The following FAM13A variants were observed in gnomAD, a reference collection of about 807,000 sequenced individuals.
The protein encoded by FAM13A is family with sequence similarity 13 member A.
In FAM13A, 76 loss-of-function variants were observed where a neutral mutation model predicts 129.6. The ratio of observed to expected loss-of-function variants is 0.59; its 90% CI spans 0.49 to 0.71. The LOEUF (loss-of-function observed/expected upper bound fraction) is 0.71, where lower values mean the gene tolerates loss of function less well. FAM13A is among the 30% of genes least tolerant of loss of function. The pLI is 0.00. For synonymous variants in FAM13A, 443 were observed against 449.9 expected, an observed-to-expected ratio of 0.98 and a Z score of 0.20; for missense variants, 1,108 against 1,249.3, an observed-to-expected ratio of 0.89 and a Z score of 1.70.
rs138812731 is a variant in FAM13A at position 88,844,293 on chromosome 4, G to A, written c.1007+6727C>T. On this transcript the variant is annotated intron_variant, in intron 7 of 23. Transcript: ENST00000264344. The stretch of plus-strand genomic sequence containing the variant: ...GGTAGAAGTCAGGTAGGAAATAATA[G>A]TGAAATAATCACAGCCTGAAACTGT... Among the ~76,000 whole-genome samples the A allele has an allele frequency of 8.5e-5, 13 of 152,280 alleles. No homozygotes were observed. The East Asian group carries it at 2.5e-3, about 29-fold the overall frequency.
At chr4:88,854,491 A>T (rs1738155034) in intron 6 of FAM13A, among the ~76,000 whole-genome samples, 1 of 152,254 alleles carries the variant, frequency 6.6e-6, no homozygotes, top group Non-Finnish European at 1.5e-5. Flanking sequence ...CACTGTAGTT[A>T]TAACTGACAT....
rs368810193 is a variant in FAM13A at position 88,731,397 on chromosome 4, T to G, written c.2875A>C (p.Arg959=). The part of the protein sequence containing the change: ...PELLEHLQEM[R]EEKKRIRKKL... ...TTTCGAATCCTTTTCTTTTCTTCTC[T>G]CATTTCCTGGAGGTGTTCCAGGAGT... Residue 959 remains arginine, a synonymous_variant, in exon 23 of 24, where the codon AGA becomes CGA. Transcript: ENST00000264344. The G allele has an allele frequency of 1.8e-5, 29 of 1,605,428 alleles. No individual in the cohort carries two copies. The highest frequency in any genetic ancestry group is 2.4e-5 in the Non-Finnish European group (28 of 1,179,220).
At chr4:88,970,946 C>T (rs748914742) in intron 4 of FAM13A, among the ~76,000 whole-genome samples, 7 of 152,194 alleles carry the variant, frequency 4.6e-5, no homozygotes, top group Admixed American at 1.3e-4. Context: ...CAGTGGCTCA[C>T]GCCTGTAATC....
chr4:89,036,096 G>A (rs933349588), intron 1 of FAM13A, among the ~76,000 whole-genome samples: 1 of 152,182 alleles, frequency 6.6e-6, no homozygotes, highest in African/African-American at 2.4e-5. Context: ...ATGTTCAGCG[G>A]TTGGAACAGT....
chr4:88,927,132 T>C (rs185037682), intron 5 of FAM13A, among the ~76,000 whole-genome samples: 49 of 152,302 alleles, frequency 3.2e-4, no homozygotes, highest in African/African-American at 1.1e-3. Context: ...CAGTTTTTTT[T>C]CCACCGGTGT....
At position 88,913,195 on chromosome 4, in the gene FAM13A, G is replaced by A. The variant is rs1749415948; in HGVS notation, c.760-6733C>T. Among the ~76,000 whole-genome samples the A allele has an allele frequency of 2.4e-5, 3 of 124,898 alleles. No individual in the cohort carries two copies. The Admixed American group carries it at 2.6e-4, about 11-fold the overall frequency. The allele number at this position is 124,898 out of a possible 152,430, so 81.9% of individuals were successfully genotyped here. A position where few individuals can be genotyped will look rare whatever the true frequency, so the allele number is the denominator to read the frequency against. ...AAGAGGAAGAAGTGGAGGAGGAAGA[G>A]GAAGAGGAAGAAGAACAGGAGGAAG... On this transcript the variant is annotated intron_variant, in intron 5 of 23. Coordinates refer to ENST00000264344, the MANE Select transcript of FAM13A (RefSeq NM_014883.4).
intron 6 of FAM13A, among the ~76,000 whole-genome samples, chr4:88,862,461 C>A (rs1435505600): frequency 3.3e-5 from 5 of 152,146 alleles, no homozygotes; most frequent in Admixed American, 2.6e-4. Flanking sequence ...ACTGTTAAGG[C>A]AGTGTATACC....
intron 4 of FAM13A, among the ~76,000 whole-genome samples, chr4:88,944,386 C>T (rs557890007): frequency 1.3e-5 from 2 of 152,280 alleles, no homozygotes; most frequent in African/African-American, 4.8e-5. Flanking sequence ...CTCTTTATAA[C>T]ATCATGTAAC....
At chr4:88,786,807 G>A (rs1459222893) in intron 10 of FAM13A, among the ~76,000 whole-genome samples, 1 of 151,208 alleles carries the variant, frequency 6.6e-6, no homozygotes, top group African/African-American at 2.4e-5. Context: ...TTCCATAAAG[G>A]GTTTAATGTA....
At chr4:88,935,029 G>T (rs1300705468) in intron 5 of FAM13A, among the ~76,000 whole-genome samples, 2 of 152,156 alleles carry the variant, frequency 1.3e-5, no homozygotes, top group Non-Finnish European at 2.9e-5. Context: ...AGTTGAAGGG[G>T]AAGTCATACT....
At chr4:88,921,679 A>T (rs990473814) in intron 5 of FAM13A, among the ~76,000 whole-genome samples, 1 of 152,244 alleles carries the variant, frequency 6.6e-6, no homozygotes, top group African/African-American at 2.4e-5. Context: ...TCACAATGAC[A>T]GGATCAAATT....
intron 19 of FAM13A, among the ~76,000 whole-genome samples, chr4:88,741,629 C>T (rs1343472929): frequency 1.3e-5 from 2 of 152,116 alleles, no homozygotes; most frequent in African/African-American, 4.8e-5. Flanking sequence ...CCCTTTTCTG[C>T]ATTTATGTTA....
At chr4:88,892,918 A>G (rs1295369127) in intron 6 of FAM13A, among the ~76,000 whole-genome samples, 1 of 152,218 alleles carries the variant, frequency 6.6e-6, no homozygotes, top group African/African-American at 2.4e-5. Context: ...TTATACATTA[A>G]AAGGTACTAT....
chr4:88,864,755 T>C (rs1740094077), intron 6 of FAM13A, among the ~76,000 whole-genome samples: 1 of 152,242 alleles, frequency 6.6e-6, no homozygotes, highest in Non-Finnish European at 1.5e-5. Flanking sequence ...TGCTCTGCTT[T>C]ATAAGCATGT....
intron 4 of FAM13A, among the ~76,000 whole-genome samples, chr4:88,961,347 C>CTTTTTTTTTTTTTTTTTTTTTTTTT: frequency 1.8e-5 from 1 of 55,424 alleles, no homozygotes; most frequent in Non-Finnish European, 3.4e-5. Context: ...TGGAATTTGC[C>CTTTTTTTTTTTTTTTTTTTTTTTTT]TTTTTTTTTT....
rs118013911 is a variant in FAM13A at position 88,822,252 on chromosome 4, G to A, written c.1008-17200C>T. Among the ~76,000 whole-genome samples, 34 of 152,208 alleles carry A rather than the reference G, an allele frequency of 2.2e-4. No homozygotes were observed. The East Asian group carries it at 5.6e-3, about 25-fold the overall frequency. The stretch of plus-strand genomic sequence containing the variant: ...TGGGCAGCCCTGAGGCCCTCTCCAT[G>A]CCTACATTCTTCACTTCTTAGTTCA... On this transcript the variant is annotated intron_variant, in intron 7 of 23. Transcript: ENST00000264344.
intron 6 of FAM13A, among the ~76,000 whole-genome samples, chr4:88,864,767 C>A (rs1740096190): frequency 6.6e-6 from 1 of 152,130 alleles, no homozygotes; most frequent in African/African-American, 2.4e-5. Context: ...TAAGCATGTG[C>A]TATTTTTAAT....
chr4:88,761,233 A>G (rs1744755522), intron 13 of FAM13A, among the ~76,000 whole-genome samples: 1 of 152,212 alleles, frequency 6.6e-6, no homozygotes. Flanking sequence ...GGCCTTCAGC[A>G]TGGTGTCTGG....
chr4:88,988,795 G>A (rs931521601), intron 4 of FAM13A, among the ~76,000 whole-genome samples: 12 of 152,058 alleles, frequency 7.9e-5, no homozygotes, highest in East Asian at 3.9e-4. Flanking sequence ...CAAAAAGCTC[G>A]GCTACTCTGG....
Sources: gnomAD v4.1 joint callset for allele counts (sites outside exome capture counted in the v4.1 genomes callset) on GRCh38, gnomAD v4.1.1 for gene constraint, MANE v1.5 for transcripts, NCBI Gene and HGNC (gene_info 2026-07-23, HGNC 2026-07-21) for gene names.